The following PDCD4 variants were observed in gnomAD, a reference collection of about 807,000 sequenced individuals.
PDCD4 encodes programmed cell death protein 4.
Under a neutral mutation model 54.0 loss-of-function variants are expected in PDCD4, and 56 were observed. The observed-to-expected ratio is 1.04, with a 90% confidence interval of 0.84 to 1.30. The LOEUF is 1.30. Ranked by LOEUF, PDCD4 falls within the 50% of genes most tolerant of loss-of-function variation. The pLI is 0.00. For missense variants in PDCD4, 584 were observed against 559.8 expected, an observed-to-expected ratio of 1.04 and a Z score of -0.44; for synonymous variants, 186 against 194.8, an observed-to-expected ratio of 0.95 and a Z score of 0.37.
At chr10:110,880,485 G>T (rs1284245573) in intron 2 of PDCD4, 6 of 152,126 alleles carry the variant, frequency 3.9e-5, no homozygotes, top group Admixed American at 3.9e-4. Context: ...TTTACAGGAT[G>T]GTAAGTAATA....
At chr10:110,892,027 T>G (rs1845765502) in intron 8 of PDCD4, among the ~76,000 whole-genome samples, 1 of 152,132 alleles carries the variant, frequency 6.6e-6, no homozygotes, top group South Asian at 2.1e-4. Flanking sequence ...TCAGAAAGGT[T>G]GCAAGATAAA....
chr10:110,872,902 C>T (rs866363467), intron 1 of PDCD4, among the ~76,000 whole-genome samples: 32 of 152,310 alleles, frequency 2.1e-4, no homozygotes, highest in Admixed American at 4.6e-4. Flanking sequence ...TCGCCCCCCT[C>T]CCCCTTGTGA....
At chr10:110,896,543 G>T in intron 11 of PDCD4, among the ~76,000 whole-genome samples, 1 of 152,100 alleles carries the variant, frequency 6.6e-6, no homozygotes, top group South Asian at 2.1e-4. Flanking sequence ...GGGCTAATTG[G>T]ATGTTCTCAC....
intron 5 of PDCD4, among the ~76,000 whole-genome samples, chr10:110,886,141 A>G (rs1319530427): frequency 6.6e-6 from 1 of 152,190 alleles, no homozygotes; most frequent in African/African-American, 2.4e-5. Context: ...TTTGAAGCCC[A>G]GTCAAGTGAA....
intron 8 of PDCD4, among the ~76,000 whole-genome samples, chr10:110,891,058 A>G (rs12240492): frequency 0.071 from 10,813 of 152,226 alleles, 801 homozygotes; most frequent in East Asian, 0.33. Flanking sequence ...ATAATGAGTT[A>G]TGAATTATGA....
intron 2 of PDCD4, among the ~76,000 whole-genome samples, chr10:110,877,609 A>G (rs1845525634): frequency 6.6e-6 from 1 of 152,294 alleles, no homozygotes; most frequent in South Asian, 2.1e-4. Flanking sequence ...CAGCTTTAAA[A>G]TGTGTACTTT....
chr10:110,889,070 A>G (rs561652569), intron 6 of PDCD4, among the ~76,000 whole-genome samples: 4 of 152,146 alleles, frequency 2.6e-5, no homozygotes, highest in Admixed American at 1.3e-4. Flanking sequence ...TCTCTACTAG[A>G]AATACAAAAA....
At position 110,886,275 on chromosome 10, in the gene PDCD4, A is replaced by G. The variant is rs141407195; in HGVS notation, c.555+909A>G. ...TGTTAATCTACCTAGCATAAGATCA[A>G]TTGTATACTATGTATCTGTTAACTG... On this transcript the variant is annotated intron_variant, in intron 5 of 11. Coordinates refer to ENST00000280154, the MANE Select transcript of PDCD4 (RefSeq NM_014456.5). Among the ~76,000 whole-genome samples, 1,232 of 152,318 alleles carry G rather than the reference A, an allele frequency of 8.1e-3. 9 individuals carry two copies. The highest frequency in any genetic ancestry group is 0.013 in the Non-Finnish European group (861 of 68,010).
intron 4 of PDCD4, 39 bp downstream of exon 4, chr10:110,883,136 T>G (rs879480091): frequency 7.5e-7 from 1 of 1,327,386 alleles, no homozygotes; most frequent in African/African-American, 1.5e-5. Flanking sequence ...TTAAAATGTT[T>G]ATGAACTTTT....
chr10:110,873,353 C>T (rs150277611), intron 1 of PDCD4, among the ~76,000 whole-genome samples: 4 of 152,318 alleles, frequency 2.6e-5, no homozygotes, highest in Non-Finnish European at 5.9e-5. Flanking sequence ...AGAATGAATA[C>T]AAGTAATCCT....
intron 5 of PDCD4, among the ~76,000 whole-genome samples, chr10:110,887,121 A>G (rs1453738895): frequency 6.6e-6 from 1 of 152,196 alleles, no homozygotes; most frequent in African/African-American, 2.4e-5. Context: ...TGACGTTTCC[A>G]TGACAGACTG....
intron 10 of PDCD4, among the ~76,000 whole-genome samples, chr10:110,894,795 G>T (rs1814049609): frequency 6.7e-6 from 1 of 149,274 alleles, no homozygotes; most frequent in Admixed American, 6.7e-5. Flanking sequence ...TCTAAGATGT[G>T]ACAATTTCTA....
At position 110,898,708 on chromosome 10, in the gene PDCD4, A is replaced by C. The variant is rs1286187826; in HGVS notation, c.*620A>C. 4 of 152,646 alleles carry C rather than the reference A, an allele frequency of 2.6e-5. No homozygotes were observed. Among genetic ancestry groups the C allele is most frequent in the Admixed American group, 2.6e-4 (4 of 15,282 alleles). The allele number at this position is 152,646 out of a possible 1,614,324, so 9.5% of individuals were successfully genotyped here. ...GAAAAATGAACCTGGTTCTAGAAGAATGTACACCAAAATAAAACATGTGAA... is the reference window on the plus strand; with the variant it reads ...GAAAAATGAACCTGGTTCTAGAAGACTGTACACCAAAATAAAACATGTGAA... On this transcript the variant is annotated 3_prime_UTR_variant, in exon 12 of 12. Transcript: ENST00000280154.
intron 8 of PDCD4, among the ~76,000 whole-genome samples, chr10:110,891,342 G>T (rs1014298149): frequency 6.2e-5 from 9 of 144,232 alleles, no homozygotes; most frequent in Non-Finnish European, 1.2e-4. Context: ...AGGAGGAGGA[G>T]GTTGCAGTGA....
chr10:110,894,752 TG>T (rs1217432057), intron 10 of PDCD4, among the ~76,000 whole-genome samples: 1 of 150,462 alleles, frequency 6.6e-6, no homozygotes, highest in African/African-American at 2.4e-5. Context: ...CTTTAACAAA[TG>T]TAATTATGTA....
intron 8 of PDCD4, among the ~76,000 whole-genome samples, chr10:110,893,293 A>G (rs1317639680): frequency 6.6e-6 from 1 of 151,872 alleles, no homozygotes; most frequent in African/African-American, 2.4e-5. Context: ...CAGCAATTAA[A>G]TTTTACTTTA....
chr10:110,887,586 A>AT, intron 5 of PDCD4, 79 bp from the exon 6 acceptor site: 1 of 983,718 alleles, frequency 1.0e-6, no homozygotes, highest in Non-Finnish European at 1.5e-6. Context: ...TAAAAGCTCA[A>AT]TTTTTCAAAA....
At chr10:110,876,904 G>A (rs1845513691) in intron 2 of PDCD4, among the ~76,000 whole-genome samples, 1 of 152,032 alleles carries the variant, frequency 6.6e-6, no homozygotes, top group Admixed American at 6.6e-5. Context: ...TATTAATATT[G>A]AAAGCTATTT....
In PDCD4 at chr10:110,897,941, A is replaced by G. The variant is rs1845869878; in HGVS notation, c.1350-87A>G. 3.1e-6 allele frequency: 3 copies of G among 960,840 alleles called. No individual in the cohort carries two copies. The East Asian group carries it at 8.1e-5, about 26-fold the overall frequency. 59.5% of individuals were successfully genotyped at this position (960,840 alleles called of 1,614,324 possible). A position where few individuals can be genotyped will look rare whatever the true frequency, so the allele number is the denominator to read the frequency against. ...CCCTTTAAAAGCTAACACGTAACGA[A>G]AAAATACCAAGTTTTTAATTTTTTT... On this transcript the variant is annotated intron_variant, in intron 11 of 11. Coordinates refer to ENST00000280154, the MANE Select transcript of PDCD4 (RefSeq NM_014456.5).
Sources: gnomAD v4.1 joint callset for allele counts (sites outside exome capture counted in the v4.1 genomes callset) on GRCh38, gnomAD v4.1.1 for gene constraint, MANE v1.5 for transcripts, NCBI Gene and HGNC (gene_info 2026-07-23, HGNC 2026-07-21) for gene names.